The following CDH2 variants were observed in gnomAD, a reference collection of about 807,000 sequenced individuals.
CDH2 encodes cadherin-2.
CDH2 carries 17 observed loss-of-function variants against 92.0 expected under a neutral mutation model. The ratio of observed to expected loss-of-function variants is 0.18; its 90% CI spans 0.13 to 0.28. The LOEUF is 0.28. Among genes scored for constraint, CDH2 ranks in the 10% least tolerant of loss-of-function variants. The pLI, the probability that CDH2 is intolerant of heterozygous loss-of-function variation, is 1.00. For missense variants in CDH2, 862 were observed against 1,133.1 expected (o/e 0.76, Z 3.44); for synonymous variants, 419 against 415.9 (o/e 1.01, Z -0.09).
intron 9 of CDH2, among the ~76,000 whole-genome samples, 180 bp downstream of exon 9, chr18:27,992,475 C>T (rs907782424): frequency 6.6e-5 from 10 of 152,284 alleles, no homozygotes; most frequent in African/African-American, 2.4e-4. Context: ...TGATGTTGGC[C>T]TTAGCCTCAG....
intron 2 of CDH2, among the ~76,000 whole-genome samples, chr18:28,139,217 C>A (rs2015913583): frequency 6.6e-6 from 1 of 151,936 alleles, no homozygotes; most frequent in South Asian, 2.1e-4. Context: ...ATTTTTAAAA[C>A]CTCCTTGATC....
At chr18:28,094,005 A>G (rs1262950202) in intron 2 of CDH2, among the ~76,000 whole-genome samples, 2 of 152,202 alleles carry the variant, frequency 1.3e-5, no homozygotes, top group African/African-American at 4.8e-5. Flanking sequence ...AATCTAAATT[A>G]TTCTTGGAGC....
chr18:28,026,475 A>T (rs980763035), intron 2 of CDH2, among the ~76,000 whole-genome samples: 2 of 152,150 alleles, frequency 1.3e-5, no homozygotes, highest in Admixed American at 1.3e-4. Flanking sequence ...CCTTCCAGGG[A>T]TCACACCAGA....
intron 1 of CDH2, among the ~76,000 whole-genome samples, chr18:28,156,288 C>T (rs1314265857): frequency 1.3e-5 from 2 of 152,196 alleles, no homozygotes; most frequent in African/African-American, 2.4e-5. Flanking sequence ...GGCACAGGAA[C>T]CTGCAAACTG....
At chr18:28,138,801 G>A (rs758804036) in intron 2 of CDH2, among the ~76,000 whole-genome samples, 4 of 151,960 alleles carry the variant, frequency 2.6e-5, no homozygotes, top group African/African-American at 4.8e-5. Flanking sequence ...TCTGTGTGAC[G>A]CCAAAGTCAC....
chr18:27,941,753 TA>T (rs1909144505), intron 6 of CDH2, among the ~76,000 whole-genome samples: 1 of 152,216 alleles, frequency 6.6e-6, no homozygotes, highest in South Asian at 2.1e-4. Flanking sequence ...GCTGAGTTAT[TA>T]AATCTGCACT....
chr18:28,001,737 C>T (rs544778040), intron 7 of CDH2, among the ~76,000 whole-genome samples: 2 of 152,326 alleles, frequency 1.3e-5, no homozygotes, highest in South Asian at 2.1e-4. Flanking sequence ...AAGTAAGGCT[C>T]TCAGCTCAGA....
intron 2 of CDH2, among the ~76,000 whole-genome samples, chr18:28,021,971 C>A (rs1481785704): frequency 6.6e-6 from 1 of 151,778 alleles, no homozygotes; most frequent in African/African-American, 2.4e-5. Context: ...AGCCACAGAG[C>A]AGTATTTATT....
rs35562216 is a variant in CDH2, at chr18:28,166,149, CATATATATAT to C, written c.60+10804_60+10813del. On this transcript the variant is annotated intron_variant, in intron 1 of 15. Transcript: ENST00000269141. ...CAAAGAGGAGTAATTCAGACACACT[CATATATATAT>C]ATATATATATATATGTCTGTATTTT... 1.2e-3 allele frequency among the ~76,000 whole-genome samples: 71 copies of C among 59,278 alleles called. 1 individual carries two copies. Among genetic ancestry groups the C allele is most frequent in the Admixed American group, 3.8e-3 (20 of 5,332 alleles). 38.9% of individuals were successfully genotyped at this position (59,278 alleles called of 152,430 possible).
intron 2 of CDH2, among the ~76,000 whole-genome samples, chr18:28,021,877 T>C (rs1387340360): frequency 1.3e-5 from 2 of 152,008 alleles, no homozygotes; most frequent in South Asian, 4.1e-4. Context: ...TGACTTTTTA[T>C]TTTTTTCCAT....
At chr18:28,016,838 G>A (rs932257260) in intron 2 of CDH2, among the ~76,000 whole-genome samples, 6 of 151,998 alleles carry the variant, frequency 3.9e-5, no homozygotes, top group Admixed American at 1.3e-4. Context: ...AGTAAATAGC[G>A]CATTAAAAAG....
intron 15 of CDH2, among the ~76,000 whole-genome samples, chr18:27,955,692 A>C (rs1207055269): frequency 7.0e-6 from 1 of 143,540 alleles, no homozygotes; most frequent in African/African-American, 2.6e-5. Flanking sequence ...TATTTTCTTT[A>C]TTTTTTAGCT....
chr18:27,939,744 C>T (rs1741314034), intron 6 of CDH2, among the ~76,000 whole-genome samples: 1 of 152,150 alleles, frequency 6.6e-6, no homozygotes, highest in Non-Finnish European at 1.5e-5. Flanking sequence ...CATTAAATGG[C>T]TAAGTTACCA....
chr18:28,022,976 A>G (rs1432840031), intron 2 of CDH2, among the ~76,000 whole-genome samples: 1 of 152,156 alleles, frequency 6.6e-6, no homozygotes, highest in Non-Finnish European at 1.5e-5. Context: ...CTCTCCTTCA[A>G]CAAATCTAAA....
At chr18:28,040,692 C>T (rs753000532) in intron 2 of CDH2, among the ~76,000 whole-genome samples, 5 of 152,150 alleles carry the variant, frequency 3.3e-5, no homozygotes, top group African/African-American at 4.8e-5. Context: ...TCTACAAACC[C>T]TTATATAGCA....
chr18:28,121,869 G>A (rs915620722), intron 2 of CDH2, among the ~76,000 whole-genome samples: 11 of 152,070 alleles, frequency 7.2e-5, no homozygotes, highest in Non-Finnish European at 1.5e-4. Flanking sequence ...AGGGCAGAAT[G>A]GGACGGTGGA....
At chr18:28,156,714 A>C (rs1489925394) in intron 1 of CDH2, among the ~76,000 whole-genome samples, 1 of 131,724 alleles carries the variant, frequency 7.6e-6, no homozygotes, top group Non-Finnish European at 1.6e-5. Flanking sequence ...ACAGCATGTC[A>C]CCTTCCCAGG....
chr18:28,121,005 G>C (rs976417721), intron 2 of CDH2, among the ~76,000 whole-genome samples: 3 of 152,076 alleles, frequency 2.0e-5, no homozygotes, highest in African/African-American at 7.2e-5. Flanking sequence ...CTCCTTCCAA[G>C]TCAAGGACAA....
At chr18:28,112,058 A>G (rs920290704) in intron 2 of CDH2, among the ~76,000 whole-genome samples, 3 of 152,214 alleles carry the variant, frequency 2.0e-5, no homozygotes, top group African/African-American at 7.2e-5. Context: ...AATGAGCCCG[A>G]CAGACAATTA....
Sources: gnomAD v4.1 joint callset for allele counts (sites outside exome capture counted in the v4.1 genomes callset) on GRCh38, gnomAD v4.1.1 for gene constraint, MANE v1.5 for transcripts, NCBI Gene and HGNC (gene_info 2026-07-23, HGNC 2026-07-21) for gene names.